The following UBOX5 variants were observed in gnomAD, a reference collection of about 807,000 sequenced individuals.
UBOX5 encodes U-box domain containing 5.
UBOX5 carries 28 observed loss-of-function variants against 39.0 expected under a neutral mutation model. The ratio of observed to expected loss-of-function variants is 0.72; its 90% CI spans 0.53 to 0.98. The LOEUF (loss-of-function observed/expected upper bound fraction) is 0.98, where lower values mean the gene tolerates loss of function less well. UBOX5 is among the 50% of genes least tolerant of loss of function. The probability of loss-of-function intolerance (pLI) is 0.00; values close to 1 mark genes in which losing one functional copy is unlikely to be tolerated. For missense variants in UBOX5, 585 were observed against 674.4 expected (o/e 0.87, Z 1.47); for synonymous variants, 283 against 275.5 (o/e 1.03, Z -0.27).
At chr20:3,126,173 T>G (rs1373724902) in intron 1 of UBOX5, among the ~76,000 whole-genome samples, 1 of 152,224 alleles carries the variant, frequency 6.6e-6, no homozygotes, top group African/African-American at 2.4e-5. Flanking sequence ...AGAAAAATTC[T>G]TCTGCCTTGG....
chr20:3,154,038 A>C (rs1568484075), intron 1 of UBOX5, among the ~76,000 whole-genome samples: 1 of 152,222 alleles, frequency 6.6e-6, no homozygotes, highest in Non-Finnish European at 1.5e-5. Context: ...TACATGAGGC[A>C]AAGAGTTCGC....
chr20:3,143,557 A>G (rs1286603399), intron 1 of UBOX5, among the ~76,000 whole-genome samples: 1 of 152,146 alleles, frequency 6.6e-6, no homozygotes, highest in Non-Finnish European at 1.5e-5. Flanking sequence ...GCACTTTGGG[A>G]GGCCGAGGTG....
chr20:3,147,766 C>T (rs763646087), intron 1 of UBOX5: 1 of 1,614,172 alleles, frequency 6.2e-7, no homozygotes, highest in South Asian at 1.1e-5. Flanking sequence ...TTCCAAATGA[C>T]CACAGAATCT....
Position 3,110,182 on chromosome 20 carries a change from T to A in UBOX5, c.1550A>T (p.Gln517Leu). Residue 517 changes from glutamine to leucine, a missense_variant, in exon 5 of 5, where the codon CAA (glutamine) becomes CTA (leucine). Coordinates refer to ENST00000217173, the MANE Select transcript of UBOX5 (RefSeq NM_014948.4). The part of the protein sequence containing the change: ...LLCRPCLGEK[Q>L]RSLPMTCTAC... Reference sequence around the variant, plus strand: ...TGTGCACGTCATGGGCAGGGAGCGTTGCTTCTCACCCAGGCAGGGTCGGCA... The same window carrying A: ...TGTGCACGTCATGGGCAGGGAGCGTAGCTTCTCACCCAGGCAGGGTCGGCA... 1 of 1,613,804 alleles carries A rather than the reference T, an allele frequency of 6.2e-7. No homozygotes were observed. The highest frequency in any genetic ancestry group is 1.1e-5 in the South Asian group (1 of 91,070).
intron 4 of UBOX5, among the ~76,000 whole-genome samples, chr20:3,112,428 G>GAA (rs11477759): frequency 1.7e-5 from 2 of 121,026 alleles, no homozygotes; most frequent in Non-Finnish European, 3.6e-5. Flanking sequence ...TTCAGTGACA[G>GAA]AAAAAAAAAA....
At chr20:3,111,943 C>T (rs1363724680) in intron 4 of UBOX5, among the ~76,000 whole-genome samples, 2 of 152,124 alleles carry the variant, frequency 1.3e-5, no homozygotes, top group Non-Finnish European at 2.9e-5. Context: ...GTGCCCTACA[C>T]GGGGAGCAGG....
chr20:3,109,518 C>T lies in UBOX5; in HGVS notation c.*588G>A. 6.4e-6 allele frequency: 1 copy of T among 156,640 alleles called. No homozygotes were observed. The highest frequency in any genetic ancestry group is 6.2e-5 in the Admixed American group (1 of 16,230). The allele number at this position is 156,640 out of a possible 1,614,324, so 9.7% of individuals were successfully genotyped here. On this transcript the variant is annotated 3_prime_UTR_variant, in exon 5 of 5. Transcript: ENST00000217173. Reference sequence around the variant, plus strand: ...AGCCTGGCAAGCTGCAGTGACTGCACACAGCTACCCTGTGAGCTCCACTTG... The same window carrying T: ...AGCCTGGCAAGCTGCAGTGACTGCATACAGCTACCCTGTGAGCTCCACTTG...
intron 1 of UBOX5, among the ~76,000 whole-genome samples, chr20:3,134,030 T>A (rs1421644448): frequency 6.6e-6 from 1 of 152,130 alleles, no homozygotes; most frequent in Non-Finnish European, 1.5e-5. Flanking sequence ...GTGCTGAGAT[T>A]ACAGGTGTGA....
In UBOX5 at chr20:3,148,953, C is replaced by T. The variant is rs537966853; in HGVS notation, c.-42+10813G>A. ...CTAATGTGTTCTGGAGGGTCCTGTC[C>T]CCCATGCTGTGTGCTGCTCACATTC... On this transcript the variant is annotated intron_variant, in intron 1 of 4. Transcript: ENST00000217173. The T allele has an allele frequency of 4.3e-6, 7 of 1,614,164 alleles. No homozygotes were observed. The Admixed American group carries it at 5.0e-5, about 12-fold the overall frequency.
In UBOX5 at chr20:3,149,415, T is replaced by C. The variant is rs2066602439; in HGVS notation, c.-42+10351A>G. ...ACCACATGACAGCATATATCAAGGA[T>C]AAATTCTGCGGTCTGTGTAAAGGCC... On this transcript the variant is annotated intron_variant, in intron 1 of 4. Coordinates refer to ENST00000217173, the MANE Select transcript of UBOX5 (RefSeq NM_014948.4). This position sits in a 1 kb window ranked among gnomAD's most constrained non-coding sequence, Gnocchi z 4.1. 6.6e-6 allele frequency among the ~76,000 whole-genome samples: 1 copy of C among 152,208 alleles called. No homozygotes were observed. The highest frequency in any genetic ancestry group is 1.5e-5 in the Non-Finnish European group (1 of 68,040).
At chr20:3,124,314 G>A (rs974721951) in intron 1 of UBOX5, among the ~76,000 whole-genome samples, 2 of 152,124 alleles carry the variant, frequency 1.3e-5, no homozygotes, top group Admixed American at 1.3e-4. Context: ...TCCCTGCCTC[G>A]GGCTCCCGTG....
In UBOX5 at chr20:3,109,936, A is replaced by C; in HGVS notation, c.*170T>G. On this transcript the variant is annotated 3_prime_UTR_variant, in exon 5 of 5. Transcript: ENST00000217173. ...CCTATGGCTTTGTTGCCCTATTGCC[A>C]CCAGCGCAGAAGCAATGTGCTATAC... The C allele has an allele frequency of 9.4e-6, 7 of 746,114 alleles. No homozygotes were observed. In the South Asian group the frequency reaches 1.1e-4, roughly 12 times the overall value. 46.2% of individuals were successfully genotyped at this position (746,114 alleles called of 1,614,324 possible). A position where few individuals can be genotyped will look rare whatever the true frequency, so the allele number is the denominator to read the frequency against.
chr20:3,142,237 A>G lies in UBOX5; in HGVS notation c.-42+17529T>C, dbSNP rs147121010. Among the ~76,000 whole-genome samples, 1,226 of 151,870 alleles carry G rather than the reference A, an allele frequency of 8.1e-3. 25 individuals carry two copies. Among genetic ancestry groups the G allele is most frequent in the African/African-American group, 0.028 (1,161 of 41,438 alleles). On this transcript the variant is annotated intron_variant, in intron 1 of 4. Transcript: ENST00000217173. ...AGCACTCTGGGAGGCCAAGGTGGGC[A>G]GATCACTTGAGGCCAGGAGTTCGAG...
chr20:3,138,665 C>T (rs2066490874), intron 1 of UBOX5, among the ~76,000 whole-genome samples: 1 of 152,152 alleles, frequency 6.6e-6, no homozygotes, highest in African/African-American at 2.4e-5. Flanking sequence ...AAAACCTGGG[C>T]AAACTTGGAA....
chr20:3,131,318 CAT>C (rs1218365059), intron 1 of UBOX5, among the ~76,000 whole-genome samples: 3 of 151,014 alleles, frequency 2.0e-5, no homozygotes, highest in Non-Finnish European at 4.4e-5. Flanking sequence ...TTCTAATTTT[CAT>C]ATTTTTTGAA....
rs1279315288 is a variant in UBOX5, at chr20:3,110,117, C to G, written c.1615G>C (p.Val539Leu). Residue 539 changes from valine to leucine, a missense_variant, in exon 5 of 5, where the codon GTC (valine) becomes CTC (leucine). Coordinates refer to ENST00000217173, the MANE Select transcript of UBOX5 (RefSeq NM_014948.4). ...RPVASQDVLR[V>L]HF ...TGGAGGTCAGTCACTCAGAAGTGGA[C>G]CCGCAGCACGTCTTGGCTAGCAACC... is the stretch of plus-strand genomic sequence containing the variant. 6.2e-7 allele frequency: 1 copy of G among 1,611,752 alleles called. No individual in the cohort carries two copies. Among genetic ancestry groups the G allele is most frequent in the Admixed American group, 1.7e-5 (1 of 60,002 alleles).
At chr20:3,154,278 C>G (rs886067058) in intron 1 of UBOX5, among the ~76,000 whole-genome samples, 2 of 152,106 alleles carry the variant, frequency 1.3e-5, no homozygotes, top group African/African-American at 4.8e-5. Flanking sequence ...ATACTTCTAC[C>G]GGATAATCCG....
At chr20:3,118,203 T>C (rs1303852544) in intron 3 of UBOX5, among the ~76,000 whole-genome samples, 2 of 151,558 alleles carry the variant, frequency 1.3e-5, no homozygotes, top group African/African-American at 4.9e-5. Context: ...CCGGGCACTA[T>C]CGCTCATGCC....
At chr20:3,124,045 C>T (rs1035789085) in intron 1 of UBOX5, among the ~76,000 whole-genome samples, 5 of 151,820 alleles carry the variant, frequency 3.3e-5, no homozygotes, top group East Asian at 1.9e-4. Context: ...TACAACAAAA[C>T]GTTGTAGGGA....
Sources: allele counts gnomAD v4.1 joint callset (sites outside exome capture counted in the v4.1 genomes callset), GRCh38; gene constraint gnomAD v4.1.1; non-coding constraint Gnocchi (gnomAD v3.1); transcripts MANE v1.5; gene names NCBI Gene and HGNC (gene_info 2026-07-23, HGNC 2026-07-21).